The following PEX26 variants were observed in gnomAD, a reference collection of about 807,000 sequenced individuals.
PEX26 encodes the protein peroxisomal biogenesis factor 26, also known as peroxisome assembly protein 26.
Under a neutral mutation model 31.4 loss-of-function variants are expected in PEX26, and 18 were observed. The ratio of observed to expected loss-of-function variants is 0.57; its 90% CI spans 0.40 to 0.85. The LOEUF is 0.85. Among genes scored for constraint, PEX26 ranks in the 40% least tolerant of loss-of-function variants. The probability of loss-of-function intolerance (pLI) is 0.00; values close to 1 mark genes in which losing one functional copy is unlikely to be tolerated. For synonymous variants in PEX26, 176 were observed against 166.9 expected, an observed-to-expected ratio of 1.05 and a Z score of -0.42; for missense variants, 377 against 383.9, an observed-to-expected ratio of 0.98 and a Z score of 0.15.
rs759864013 is a variant in PEX26, at chr22:18,085,230, C to G, written c.786C>G (p.Leu262=). Residue 262 remains leucine, a synonymous_variant, in exon 4 of 5, where the codon CTC becomes CTG. Transcript: ENST00000399744. ...AGAGTCTCCTGGCTGCCTTGATCCT[C>G]TGTCTCCTGGTGGTGAGATTTGATC... ...FKKSLLAALI[L]CLLVVRFDPA... is the part of the protein sequence containing the mutation. 35 of 1,614,024 alleles carry G rather than the reference C, an allele frequency of 2.2e-5. No homozygotes were observed. The East Asian group carries it at 7.8e-4, about 36-fold the overall frequency.
chr22:18,082,525 A>G (rs1185095938), intron 2 of PEX26, among the ~76,000 whole-genome samples: 6 of 152,108 alleles, frequency 3.9e-5, no homozygotes, highest in Admixed American at 3.9e-4. Flanking sequence ...TAGGTGCATG[A>G]ATTTATTTCT....
At chr22:18,086,801 A>C (rs1171896879) in intron 4 of PEX26, among the ~76,000 whole-genome samples, 4 of 152,184 alleles carry the variant, frequency 2.6e-5, no homozygotes, top group Admixed American at 2.0e-4. Context: ...TATTTTGAGA[A>C]GTGCCATTTG....
rs1429766101 is a variant in PEX26 at position 18,090,102 on chromosome 22, C to CT, written c.*2033dup. ...CAAGTCTGTAGGAAGCAAATCTATA[C>CT]TTTTTTATATGGGCTTTTAAGTAAA... On this transcript the variant is annotated 3_prime_UTR_variant, in exon 5 of 5. Coordinates refer to ENST00000399744, the MANE Select transcript of PEX26 (RefSeq NM_001127649.3). 6.6e-6 allele frequency: 1 copy of CT among 152,128 alleles called. No homozygotes were observed. The highest frequency in any genetic ancestry group is 1.9e-4 in the East Asian group (1 of 5,204). 9.4% of individuals were successfully genotyped at this position (152,128 alleles called of 1,614,324 possible).
chr22:18,079,235 T>C (rs1448171552), intron 1 of PEX26: 2 of 985,298 alleles, frequency 2.0e-6, no homozygotes, highest in East Asian at 2.3e-4. Flanking sequence ...CTCTTTCTAA[T>C]GCCACCAGCC....
chr22:18,082,015 C>T (rs972587113), intron 2 of PEX26, among the ~76,000 whole-genome samples: 12 of 149,606 alleles, frequency 8.0e-5, no homozygotes, highest in Non-Finnish European at 1.0e-4. Flanking sequence ...CATGGTACGT[C>T]GTCTTCTGAG....
intron 4 of PEX26, 137 bp downstream of exon 4, chr22:18,085,395 CA>C: frequency 1.1e-6 from 1 of 932,544 alleles, no homozygotes; most frequent in South Asian, 1.4e-5. Context: ...GTCTGTTCCA[CA>C]AGGAGGAATT....
intron 2 of PEX26, 25 bp from the exon 3 acceptor site, chr22:18,083,412 G>C (rs373484068): frequency 1.2e-6 from 2 of 1,612,018 alleles, no homozygotes; most frequent in African/African-American, 2.7e-5. Context: ...TCTTTTGTTG[G>C]GATTGGGTTT....
Position 18,101,811 on chromosome 22 carries a change from G to A in PEX26, c.*13736G>A, listed in dbSNP as rs1946401735. On this transcript the variant is annotated 3_prime_UTR_variant, in exon 5 of 5. Coordinates refer to ENST00000399744, the MANE Select transcript of PEX26 (RefSeq NM_001127649.3). Reference sequence around the variant, plus strand: ...TCCTTGGTCATTAACCTGAGGTCTGGGGCCTTTAAAGCTATTGAGGAGCCA... The same window carrying A: ...TCCTTGGTCATTAACCTGAGGTCTGAGGCCTTTAAAGCTATTGAGGAGCCA... 1 of 175,406 alleles carries A rather than the reference G, an allele frequency of 5.7e-6. No individual in the cohort carries two copies. Among genetic ancestry groups the A allele is most frequent in the Non-Finnish European group, 1.2e-5 (1 of 83,690 alleles). 10.9% of individuals were successfully genotyped at this position (175,406 alleles called of 1,614,324 possible).
rs1186234806 is a variant in PEX26 at position 18,095,802 on chromosome 22, C to T, written c.*7727C>T. On this transcript the variant is annotated 3_prime_UTR_variant, in exon 5 of 5. Coordinates refer to ENST00000399744, the MANE Select transcript of PEX26 (RefSeq NM_001127649.3). Reference sequence around the variant, plus strand: ...TGGGATTGTGGTTAAGAGTGTGGGTCCCAGACCCATAATGCCCAAGTTTGT... The same window carrying T: ...TGGGATTGTGGTTAAGAGTGTGGGTTCCAGACCCATAATGCCCAAGTTTGT... The T allele has an allele frequency of 2.0e-5, 3 of 149,714 alleles. No individual in the cohort carries two copies. The highest frequency in any genetic ancestry group is 4.9e-5 in the African/African-American group (2 of 40,516). 9.3% of individuals were successfully genotyped at this position (149,714 alleles called of 1,614,324 possible). A position where few individuals can be genotyped will look rare whatever the true frequency, so the allele number is the denominator to read the frequency against.
chr22:18,104,707 T>TCTTTTAGGAGCTG lies in PEX26; in HGVS notation c.*16632_*16633insCTTTTAGGAGCTG. 1 of 152,912 alleles carries TCTTTTAGGAGCTG rather than the reference T, an allele frequency of 6.5e-6. No homozygotes were observed. 9.5% of individuals were successfully genotyped at this position (152,912 alleles called of 1,614,324 possible). A position where few individuals can be genotyped will look rare whatever the true frequency, so the allele number is the denominator to read the frequency against. On this transcript the variant is annotated 3_prime_UTR_variant, in exon 5 of 5. Coordinates refer to ENST00000399744, the MANE Select transcript of PEX26 (RefSeq NM_001127649.3). ...ACTGCCTCTTGTTCTCACTGCCTCCTGTTCTCACTGCCTCCTGTTTCTGCT... is the reference window on the plus strand; with the variant it reads ...ACTGCCTCTTGTTCTCACTGCCTCCTCTTTTAGGAGCTGGTTCTCACTGCCTCCTGTTTCTGCT...
At chr22:18,078,962 T>G in intron 1 of PEX26, 2 of 404,500 alleles carry the variant, frequency 4.9e-6, no homozygotes, top group Non-Finnish European at 4.8e-6. Flanking sequence ...AGGTTGTTTA[T>G]TCCTGACCTT....
rs1469895043 is a variant in PEX26 at position 18,102,104 on chromosome 22, C to G, written c.*14029C>G. 1 of 152,222 alleles carries G rather than the reference C, an allele frequency of 6.6e-6. No individual in the cohort carries two copies. Among genetic ancestry groups the G allele is most frequent in the East Asian group, 1.9e-4 (1 of 5,202 alleles). 9.4% of individuals were successfully genotyped at this position (152,222 alleles called of 1,614,324 possible). A position where few individuals can be genotyped will look rare whatever the true frequency, so the allele number is the denominator to read the frequency against. On this transcript the variant is annotated 3_prime_UTR_variant, in exon 5 of 5. Transcript: ENST00000399744. ...GAAAAAAAAGTTCATGCCAAAGCTGCTGGGACAAAGAGGACTCATGATAGT... is the reference window on the plus strand; with the variant it reads ...GAAAAAAAAGTTCATGCCAAAGCTGGTGGGACAAAGAGGACTCATGATAGT...
At chr22:18,087,901 C>T in intron 4 of PEX26, 71 bp from the exon 5 acceptor site, 1 of 994,648 alleles carries the variant, frequency 1.0e-6, no homozygotes, top group Non-Finnish European at 1.6e-6. Flanking sequence ...TGGAGTCTCC[C>T]AGGGTGGGAG....
chr22:18,086,842 C>T (rs1334054743), intron 4 of PEX26, among the ~76,000 whole-genome samples: 1 of 151,374 alleles, frequency 6.6e-6, no homozygotes, highest in Non-Finnish European at 1.5e-5. Flanking sequence ...TCCCTGTTTC[C>T]CCATTTCTCT....
chr22:18,088,109 A>T lies in PEX26; in HGVS notation c.*34A>T. 3 of 1,382,652 alleles carry T rather than the reference A, an allele frequency of 2.2e-6. No homozygotes were observed. Among genetic ancestry groups the T allele is most frequent in the Non-Finnish European group, 3.1e-6 (3 of 972,610 alleles). 85.6% of individuals were successfully genotyped at this position (1,382,652 alleles called of 1,614,324 possible). On this transcript the variant is annotated 3_prime_UTR_variant, in exon 5 of 5. Coordinates refer to ENST00000399744, the MANE Select transcript of PEX26 (RefSeq NM_001127649.3). This position sits in a 1 kb window ranked among gnomAD's most constrained non-coding sequence, Gnocchi z 4.1. ...GCGCACCACAGCCTCTCTGCTCCTC[A>T]CGTCCGTGGCCACAGAAGCAGAGCG... is the stretch of plus-strand genomic sequence containing the variant.
Position 18,104,974 on chromosome 22 carries a change from A to G in PEX26, c.*16899A>G, listed in dbSNP as rs1396216406. On this transcript the variant is annotated 3_prime_UTR_variant, in exon 5 of 5. Coordinates refer to ENST00000399744, the MANE Select transcript of PEX26 (RefSeq NM_001127649.3). ...TATGTAAGGTACTTGGGGCTAACCA[A>G]AGTTAAATACATATGACAAGTACCT... 2 of 152,216 alleles carry G rather than the reference A, an allele frequency of 1.3e-5. No individual in the cohort carries two copies. The highest frequency in any genetic ancestry group is 3.8e-4 in the East Asian group (2 of 5,204). 9.4% of individuals were successfully genotyped at this position (152,216 alleles called of 1,614,324 possible). A position where few individuals can be genotyped will look rare whatever the true frequency, so the allele number is the denominator to read the frequency against.
rs746924588 is a variant in PEX26, at chr22:18,078,531, G to A, written c.155G>A (p.Arg52Gln). The A allele has an allele frequency of 6.3e-5, 99 of 1,578,526 alleles. No homozygotes were observed. The highest frequency in any genetic ancestry group is 8.3e-5 in the Non-Finnish European group (97 of 1,165,346). Reference protein sequence around the residue: ...ADLLVVHLDFRAALETCERAW... With the variant: ...ADLLVVHLDFQAALETCERAW... ...CTCCTGGTGGTGCACCTGGACTTCCGGGCGGCGCTGGAGACCTGCGAGCGG... is the reference window on the plus strand; with the variant it reads ...CTCCTGGTGGTGCACCTGGACTTCCAGGCGGCGCTGGAGACCTGCGAGCGG... Residue 52 changes from arginine (R) to glutamine (Q), a missense_variant, in exon 1 of 5, where the codon CGG (arginine) becomes CAG (glutamine). Physicochemically the swap from Arg to Gln is conservative, Grantham distance 43. Transcript: ENST00000399744.
intron 4 of PEX26, among the ~76,000 whole-genome samples, chr22:18,087,487 G>T (rs764122167): frequency 6.6e-6 from 1 of 152,234 alleles, no homozygotes; most frequent in African/African-American, 2.4e-5. Flanking sequence ...TCACGAGTTA[G>T]CGCTCGGAAT....
intron 2 of PEX26, among the ~76,000 whole-genome samples, chr22:18,081,853 T>C (rs1491001048): frequency 6.6e-6 from 1 of 152,318 alleles, no homozygotes; most frequent in Non-Finnish European, 1.5e-5. Context: ...GTGCTGCCTT[T>C]CTCCACATCC....
Sources: allele counts gnomAD v4.1 joint callset (sites outside exome capture counted in the v4.1 genomes callset), GRCh38; gene constraint gnomAD v4.1.1; non-coding constraint Gnocchi (gnomAD v3.1); transcripts MANE v1.5; gene names NCBI Gene and HGNC (gene_info 2026-07-23, HGNC 2026-07-21).